The following DRC1 variants were observed in gnomAD, a reference collection of about 807,000 sequenced individuals.
DRC1 encodes the protein dynein regulatory complex subunit 1.
Under a neutral mutation model 98.7 loss-of-function variants are expected in DRC1, and 74 were observed. The ratio of observed to expected loss-of-function variants is 0.75; its 90% confidence interval spans 0.62 to 0.91. The LOEUF is 0.91. DRC1 is among the 40% of genes least tolerant of loss of function. The pLI, the probability that DRC1 is intolerant of heterozygous loss-of-function variation, is 0.00. For missense variants in DRC1, 875 were observed against 886.0 expected (o/e 0.99, Z 0.16); for synonymous variants, 336 against 334.1 (o/e 1.01, Z -0.06).
At position 26,440,418 on chromosome 2, in the gene DRC1, A is replaced by C; in HGVS notation, c.929A>C (p.Gln310Pro). 7.4e-6 allele frequency: 12 copies of C among 1,612,882 alleles called. No individual in the cohort carries two copies. Among genetic ancestry groups the C allele is most frequent in the Non-Finnish European group, 1.0e-5 (12 of 1,179,596 alleles). The change falls in exon 8 of 17, where the codon CAG becomes CCG. Residue 310 changes from glutamine (Q) to proline (P), a missense_variant. Gln to Pro is a moderately conservative substitution (Grantham distance 76). Coordinates refer to ENST00000288710, the MANE Select transcript of DRC1 (RefSeq NM_145038.5). ...CTTCAGCAGAGGAAAGCAATTTATCAGCTAAACCAAGAGAAATTAGAGTAC... is the reference window on the plus strand; with the variant it reads ...CTTCAGCAGAGGAAAGCAATTTATCCGCTAAACCAAGAGAAATTAGAGTAC... ...QQLQQRKAIY[Q>P]LNQEKLEYNL...
chr2:26,405,199 T>G (rs1454516803), intron 1 of DRC1, among the ~76,000 whole-genome samples: 1 of 152,190 alleles, frequency 6.6e-6, no homozygotes, highest in East Asian at 1.9e-4. Context: ...CTTTCTTTGG[T>G]GAGCACCTAT....
intron 8 of DRC1, among the ~76,000 whole-genome samples, 158 bp downstream of exon 8, chr2:26,440,675 C>A (rs2147998288): frequency 6.6e-6 from 1 of 152,258 alleles, no homozygotes; most frequent in Non-Finnish European, 1.5e-5. Flanking sequence ...CAATCTCTCC[C>A]CAAGAAAAGA....
At chr2:26,446,875 T>A (rs1357497415) in intron 10 of DRC1, among the ~76,000 whole-genome samples, 1 of 151,190 alleles carries the variant, frequency 6.6e-6, no homozygotes, top group East Asian at 2.0e-4. Context: ...GCAGATCACC[T>A]GAGGTCAGGA....
At chr2:26,411,616 G>C (rs1678613134) in intron 1 of DRC1, among the ~76,000 whole-genome samples, 2 of 152,150 alleles carry the variant, frequency 1.3e-5, no homozygotes, top group African/African-American at 4.8e-5. Context: ...GGCCAACATG[G>C]TGAAACCCCA....
At chr2:26,426,781 T>C (rs563024367) in intron 4 of DRC1, among the ~76,000 whole-genome samples, 1 of 152,192 alleles carries the variant, frequency 6.6e-6, no homozygotes, top group Non-Finnish European at 1.5e-5. Flanking sequence ...TTTAGGATGG[T>C]TTTCCTATTT....
Position 26,444,355 on chromosome 2 carries a change from A to G in DRC1, c.1162A>G (p.Arg388Gly). 1 of 1,613,780 alleles carries G rather than the reference A, an allele frequency of 6.2e-7. No individual in the cohort carries two copies. The highest frequency in any genetic ancestry group is 2.2e-5 in the East Asian group (1 of 44,888). ...MQFKELQKAM[R>G]HFALIDDEKF... ...ATTCAAGGAGCTACAGAAAGCCATG[A>G]GGTATCTTAAGGACTTGGTCCTAAG... Residue 388 changes from arginine to glycine, a missense_variant and splice_region_variant, in exon 9 of 17, where the codon AGG becomes GGG. Arg to Gly is a moderately radical substitution (Grantham distance 125). Coordinates refer to ENST00000288710, the MANE Select transcript of DRC1 (RefSeq NM_145038.5).
intron 8 of DRC1, among the ~76,000 whole-genome samples, chr2:26,443,502 C>T (rs1558450701): frequency 1.3e-5 from 2 of 152,294 alleles, no homozygotes; most frequent in South Asian, 4.1e-4. Flanking sequence ...TTAGATGCCT[C>T]ACCTCTGGGC....
chr2:26,454,509 A>G lies in DRC1; in HGVS notation c.1920-138A>G. The G allele has an allele frequency of 1.6e-6, 2 of 1,274,422 alleles. No individual in the cohort carries two copies. The highest frequency in any genetic ancestry group is 2.2e-6 in the Non-Finnish European group (2 of 921,914). 78.9% of individuals were successfully genotyped at this position (1,274,422 alleles called of 1,614,324 possible). On this transcript the variant is annotated intron_variant, in intron 14 of 16. Coordinates refer to ENST00000288710, the MANE Select transcript of DRC1 (RefSeq NM_145038.5). The surrounding 1 kb of genome is among the most constrained non-coding windows in gnomAD (Gnocchi z 5.2). ...CAATAAGCATGCGTCCTTTCTGAGA[A>G]CCTGCCACCGTCTAATAAACTTGGA...
intron 1 of DRC1, among the ~76,000 whole-genome samples, chr2:26,413,622 T>C (rs1003090177): frequency 2.6e-5 from 4 of 152,202 alleles, no homozygotes; most frequent in African/African-American, 9.6e-5. Context: ...TTTGTATTTC[T>C]TTGGGAAACT....
chr2:26,454,322 A>G lies in DRC1; in HGVS notation c.1920-325A>G, dbSNP rs1032588609. On this transcript the variant is annotated intron_variant, in intron 14 of 16. Transcript: ENST00000288710. This position sits in a 1 kb window ranked among gnomAD's most constrained non-coding sequence, Gnocchi z 5.2. ...GCTGTCATGAGGGGATGGAGAGGAC[A>G]TGACTGAATTCAAGTGCTGTTTTGG... Among the ~76,000 whole-genome samples the G allele has an allele frequency of 9.2e-5, 14 of 152,152 alleles. No homozygotes were observed. Among genetic ancestry groups the G allele is most frequent in the African/African-American group, 3.1e-4 (13 of 41,436 alleles).
chr2:26,401,959 G>A lies in DRC1; in HGVS notation c.-31G>A, dbSNP rs779983332. The A allele has an allele frequency of 1.3e-6, 2 of 1,569,916 alleles. No individual in the cohort carries two copies. Among genetic ancestry groups the A allele is most frequent in the Non-Finnish European group, 1.7e-6 (2 of 1,157,588 alleles). ...GCCTGAGGTCTGGAGGTGGTGCGGA[G>A]GGAGCCGCCTAGGGACCAGGGACTC... On this transcript the variant is annotated 5_prime_UTR_variant, in exon 1 of 17. Coordinates refer to ENST00000288710, the MANE Select transcript of DRC1 (RefSeq NM_145038.5).
In DRC1 at chr2:26,440,412, T is replaced by G; in HGVS notation, c.923T>G (p.Ile308Ser). The change falls in exon 8 of 17, where the codon ATT becomes AGT. Residue 308 changes from isoleucine (I) to serine (S), a missense_variant. Coordinates refer to ENST00000288710, the MANE Select transcript of DRC1 (RefSeq NM_145038.5). ...CAGCAGCTTCAGCAGAGGAAAGCAA[T>G]TTATCAGCTAAACCAAGAGAAATTA... is the stretch of plus-strand genomic sequence containing the variant. Reference protein sequence around the residue: ...LEQQLQQRKAIYQLNQEKLEY... With the variant: ...LEQQLQQRKASYQLNQEKLEY... 6.2e-7 allele frequency: 1 copy of G among 1,612,700 alleles called. No homozygotes were observed. Among genetic ancestry groups the G allele is most frequent in the Non-Finnish European group, 8.5e-7 (1 of 1,179,498 alleles).
At chr2:26,448,381 C>T (rs1179725409) in intron 10 of DRC1, 1 of 555,366 alleles carries the variant, frequency 1.8e-6, no homozygotes, top group Middle Eastern at 2.8e-4. Context: ...ACTCTCCCTC[C>T]CACTTCCTGG....
rs1186771345 is a variant in DRC1 at position 26,444,962 on chromosome 2, T to C, written c.1396+14T>C. On this transcript the variant is annotated intron_variant, in intron 10 of 16. Coordinates refer to ENST00000288710, the MANE Select transcript of DRC1 (RefSeq NM_145038.5). ...TTATGCGCTCAGGTGACTAGAACAC[T>C]GTCATAGAGCCTTAGAGCTGGAGGA... is the stretch of plus-strand genomic sequence containing the variant. 5.0e-6 allele frequency: 8 copies of C among 1,612,784 alleles called. No homozygotes were observed. In the Admixed American group the frequency reaches 1.2e-4, roughly 24 times the overall value.
chr2:26,428,643 A>G (rs755657046), intron 4 of DRC1, among the ~76,000 whole-genome samples: 9 of 152,120 alleles, frequency 5.9e-5, no homozygotes, highest in Non-Finnish European at 1.0e-4. Flanking sequence ...CTAAAAATAC[A>G]AAAAATTAGC....
At position 26,455,265 on chromosome 2, in the gene DRC1, C is replaced by T. The variant is rs752861277; in HGVS notation, c.2166+32C>T. ...GGCGGGGCCTTCCAAGGAGGGGCAGCGGGAGACACGGGTGGGGCAGGGGCA... is the reference window on the plus strand; with the variant it reads ...GGCGGGGCCTTCCAAGGAGGGGCAGTGGGAGACACGGGTGGGGCAGGGGCA... On this transcript the variant is annotated intron_variant, in intron 16 of 16. Coordinates refer to ENST00000288710, the MANE Select transcript of DRC1 (RefSeq NM_145038.5). 93 of 1,589,914 alleles carry T rather than the reference C, an allele frequency of 5.8e-5. No individual in the cohort carries two copies. In the South Asian group the frequency reaches 7.8e-4, roughly 13 times the overall value.
chr2:26,417,615 C>A (rs1678853039), intron 2 of DRC1, among the ~76,000 whole-genome samples: 2 of 152,230 alleles, frequency 1.3e-5, no homozygotes, highest in Admixed American at 6.5e-5. Flanking sequence ...AGGCATGAGC[C>A]ACTGCGCCCA....
At chr2:26,414,109 T>C (rs914571072) in intron 1 of DRC1, among the ~76,000 whole-genome samples, 1 of 104,376 alleles carries the variant, frequency 9.6e-6, no homozygotes, top group African/African-American at 3.5e-5. Flanking sequence ...TGAAGTACAA[T>C]GGAACCATTA....
At chr2:26,426,214 T>C (rs890131520) in intron 4 of DRC1, among the ~76,000 whole-genome samples, 2 of 152,178 alleles carry the variant, frequency 1.3e-5, no homozygotes, top group African/African-American at 4.8e-5. Flanking sequence ...GGTTTATGTA[T>C]CATTCATTTA....
Sources: allele counts gnomAD v4.1 joint callset (sites outside exome capture counted in the v4.1 genomes callset), GRCh38; gene constraint gnomAD v4.1.1; non-coding constraint Gnocchi (gnomAD v3.1); transcripts MANE v1.5; gene names NCBI Gene and HGNC (gene_info 2026-07-23, HGNC 2026-07-21).